Variants in TLK1 observed in about 807,000 individuals in gnomAD.
The protein encoded by TLK1 is tousled like kinase 1.
In TLK1, 24 loss-of-function variants were observed where a neutral mutation model predicts 105.3. The observed-to-expected ratio is 0.23, with a 90% CI of 0.17 to 0.32. The LOEUF is 0.32. TLK1 is among the 10% of genes least tolerant of loss of function. The pLI is 1.00. For synonymous variants in TLK1, 321 were observed against 310.4 expected, an observed-to-expected ratio of 1.03 and a Z score of -0.36; for missense variants, 558 against 910.5, an observed-to-expected ratio of 0.61 and a Z score of 4.98.
chr2:171,067,946 T>C (rs183675209), intron 3 of TLK1, among the ~76,000 whole-genome samples: 27 of 152,292 alleles, frequency 1.8e-4, no homozygotes, highest in South Asian at 1.0e-3. Flanking sequence ...GCAAAGGACA[T>C]GAACTCATCC....
At chr2:171,041,821 C>G (rs1162748905) in intron 11 of TLK1, among the ~76,000 whole-genome samples, 1 of 152,094 alleles carries the variant, frequency 6.6e-6, no homozygotes. Flanking sequence ...AGATTCATAA[C>G]TTGTCCCCTA....
chr2:171,074,729 G>A (rs774812402), intron 3 of TLK1, among the ~76,000 whole-genome samples: 1 of 151,446 alleles, frequency 6.6e-6, no homozygotes. Context: ...CTAGCAGGAA[G>A]ATAAATAAAA....
chr2:171,190,926 G>GGT (rs113784238), intron 1 of TLK1, among the ~76,000 whole-genome samples: 13,040 of 151,980 alleles, frequency 0.086, 1,130 homozygotes, highest in East Asian at 0.3. Flanking sequence ...TACTTTGTGG[G>GGT]AGAGGCAGGT....
rs1191955253 is a variant in TLK1, at chr2:170,992,165, T to C, written c.*1615A>G. 1 of 152,192 alleles carries C rather than the reference T, an allele frequency of 6.6e-6. No individual in the cohort carries two copies. The highest frequency in any genetic ancestry group is 1.5e-5 in the Non-Finnish European group (1 of 68,004). 9.4% of individuals were successfully genotyped at this position (152,192 alleles called of 1,614,324 possible). On this transcript the variant is annotated 3_prime_UTR_variant, in exon 21 of 21. Coordinates refer to ENST00000431350, the MANE Select transcript of TLK1 (RefSeq NM_012290.5). ...CCCTTCCAATGTAATTTTCATAGTC[T>C]TTACATTTTAACTGTCATTGTTTAT... is the stretch of plus-strand genomic sequence containing the variant.
chr2:171,009,831 C>G (rs765298901), intron 14 of TLK1, among the ~76,000 whole-genome samples: 17 of 152,304 alleles, frequency 1.1e-4, no homozygotes, highest in Non-Finnish European at 2.2e-4. Flanking sequence ...AGAACCAAAG[C>G]TTTTAACCAA....
chr2:171,040,940 A>G (rs970638172), intron 11 of TLK1, among the ~76,000 whole-genome samples: 2 of 152,198 alleles, frequency 1.3e-5, no homozygotes, highest in African/African-American at 4.8e-5. Context: ...TCCAACTTCA[A>G]TAATATATGA....
intron 1 of TLK1, among the ~76,000 whole-genome samples, chr2:171,186,290 A>G (rs1320685762): frequency 1.3e-5 from 2 of 152,192 alleles, no homozygotes; most frequent in African/African-American, 4.8e-5. Flanking sequence ...AATGAACACA[A>G]ACATCTAGCC....
intron 12 of TLK1, among the ~76,000 whole-genome samples, chr2:171,024,230 T>C (rs1685670024): frequency 6.6e-6 from 1 of 152,142 alleles, no homozygotes; most frequent in Non-Finnish European, 1.5e-5. Flanking sequence ...AAGAATTCCT[T>C]AAGATATATT....
chr2:171,092,412 C>T (rs908227409), intron 2 of TLK1, among the ~76,000 whole-genome samples: 1 of 152,182 alleles, frequency 6.6e-6, no homozygotes, highest in African/African-American at 2.4e-5. Context: ...TTACCATCCA[C>T]ATTCTTATCA....
chr2:171,193,311 C>A (rs1187453729), intron 1 of TLK1, among the ~76,000 whole-genome samples: 1 of 151,964 alleles, frequency 6.6e-6, no homozygotes, highest in Non-Finnish European at 1.5e-5. Flanking sequence ...TAAACCTCAC[C>A]AAAGCCGTTG....
intron 2 of TLK1, among the ~76,000 whole-genome samples, chr2:171,111,534 G>A (rs1040704526): frequency 1.3e-5 from 2 of 148,620 alleles, no homozygotes; most frequent in African/African-American, 2.5e-5. Flanking sequence ...GCAGTGAGCC[G>A]AGATCACACC....
chr2:171,084,365 C>A (rs1166586619), intron 2 of TLK1, among the ~76,000 whole-genome samples: 3 of 152,046 alleles, frequency 2.0e-5, no homozygotes, highest in Admixed American at 1.3e-4. Flanking sequence ...CAGGGTGGTA[C>A]AATGAGTACA....
At chr2:170,996,582 C>T in intron 20 of TLK1, 71 bp downstream of exon 20, 1 of 1,299,648 alleles carries the variant, frequency 7.7e-7, no homozygotes, top group South Asian at 1.3e-5. Context: ...CTGGAAAGTA[C>T]TTACCTTGTT....
intron 18 of TLK1, among the ~76,000 whole-genome samples, chr2:170,998,853 C>T (rs1684213171): frequency 6.6e-6 from 1 of 152,216 alleles, no homozygotes; most frequent in Non-Finnish European, 1.5e-5. Flanking sequence ...ACTGCAGCCT[C>T]ACACTCCTGG....
intron 1 of TLK1, among the ~76,000 whole-genome samples, chr2:171,218,585 G>A (rs1465089371): frequency 6.6e-6 from 1 of 152,132 alleles, no homozygotes; most frequent in East Asian, 1.9e-4. Context: ...GCAGTTTTGG[G>A]GGCTGGGAAG....
At chr2:171,060,520 A>C (rs1687702810) in intron 4 of TLK1, among the ~76,000 whole-genome samples, 1 of 152,212 alleles carries the variant, frequency 6.6e-6, no homozygotes, top group South Asian at 2.1e-4. Context: ...TAAAGTCATC[A>C]TTATACACGA....
At chr2:171,007,098 G>C (rs1684685314) in intron 14 of TLK1, 35 bp from the exon 15 acceptor site, 1 of 1,542,844 alleles carries the variant, frequency 6.5e-7, no homozygotes, top group South Asian at 1.2e-5. Context: ...TAAGATGAAA[G>C]ACCAATTGAA....
At chr2:171,216,651 A>T (rs2105328599) in intron 1 of TLK1, among the ~76,000 whole-genome samples, 1 of 152,328 alleles carries the variant, frequency 6.6e-6, no homozygotes, top group Middle Eastern at 3.4e-3. Context: ...AGTACCTTAG[A>T]ATATGACCTT....
At chr2:171,107,173 CAG>C (rs942094383) in intron 2 of TLK1, among the ~76,000 whole-genome samples, 16 of 152,278 alleles carry the variant, frequency 1.1e-4, no homozygotes, top group African/African-American at 3.6e-4. Context: ...GCATTAAAAA[CAG>C]AGGTGATTTG....
Sources: allele counts gnomAD v4.1 joint callset (sites outside exome capture counted in the v4.1 genomes callset), GRCh38; gene constraint gnomAD v4.1.1; transcripts MANE v1.5; gene names NCBI Gene and HGNC (gene_info 2026-07-23, HGNC 2026-07-21).